PGBD2: variants seen among roughly 807,000 people sequenced by gnomAD.
The protein encoded by PGBD2 is piggyBac transposable element derived 2.
A neutral mutation model predicts 8.1 loss-of-function variants in PGBD2; 6 were observed. The ratio of observed to expected loss-of-function variants is 0.74; its 90% CI spans 0.40 to 1.46. PGBD2 has a LOEUF of 1.46. Among genes scored for constraint, PGBD2 ranks in the 40% most tolerant of loss-of-function variants. PGBD2 has a pLI of 0.02. For synonymous variants in PGBD2, 318 were observed against 272.2 expected, an observed-to-expected ratio of 1.17 and a Z score of -1.66; for missense variants, 802 against 739.0, an observed-to-expected ratio of 1.09 and a Z score of -0.99.
chr1:248,915,919 C>G (rs1662081789), intron 2 of PGBD2, among the ~76,000 whole-genome samples: 2 of 152,156 alleles, frequency 1.3e-5, no homozygotes, highest in South Asian at 4.1e-4. Context: ...GCCATTGAGT[C>G]TGAGGGGACA....
chr1:248,888,299 T>TGG, the PGBD2 span, among the ~76,000 whole-genome samples: 1 of 152,238 alleles, frequency 6.6e-6, no homozygotes, highest in Non-Finnish European at 1.5e-5. Context: ...ATGGGTTGAA[T>TGG]GGTAGTTCTA....
rs543395821 is a variant in PGBD2 at position 248,919,045 on chromosome 1, A to G, written c.*682A>G. On this transcript the variant is annotated 3_prime_UTR_variant, in exon 3 of 3. Transcript: ENST00000329291. ...ATGTATAAAAATCACATCAGGGTAA[A>G]TGGGGTATCCATCTTGTCAAACACT... The G allele has an allele frequency of 2.4e-5, 4 of 167,216 alleles. No individual in the cohort carries two copies. The East Asian group carries it at 7.7e-4, about 32-fold the overall frequency. The allele number at this position is 167,216 out of a possible 1,614,324, so 10.4% of individuals were successfully genotyped here.
upstream of PGBD2, among the ~76,000 whole-genome samples, chr1:248,904,251 T>G (rs1241986718): frequency 6.6e-6 from 1 of 152,020 alleles, no homozygotes; most frequent in Non-Finnish European, 1.5e-5. Context: ...TGTATTTTCC[T>G]CAAAGGATTC....
chr1:248,887,122 A>AT, the PGBD2 span, among the ~76,000 whole-genome samples: 22 of 152,338 alleles, frequency 1.4e-4, no homozygotes, highest in African/African-American at 4.8e-4. Context: ...ATTATAAAAA[A>AT]ATATAGCCTT....
chr1:248,877,099 A>G, the PGBD2 span, among the ~76,000 whole-genome samples: 1 of 152,216 alleles, frequency 6.6e-6, no homozygotes, highest in African/African-American at 2.4e-5. Flanking sequence ...ATTTGTATCC[A>G]GCGGTGTCCA....
chr1:248,922,509 AAG>A (rs1662307743), downstream of PGBD2, among the ~76,000 whole-genome samples: 2 of 152,116 alleles, frequency 1.3e-5, no homozygotes, highest in African/African-American at 2.4e-5. Flanking sequence ...TAGGAGTGGC[AAG>A]AGAGGGCATC....
At chr1:248,912,922 C>T (rs545444565) in intron 1 of PGBD2, 4 of 151,846 alleles carry the variant, frequency 2.6e-5, no homozygotes, top group Non-Finnish European at 5.9e-5. Context: ...CCTGCCTCAG[C>T]CTCCTGAGTA....
chr1:248,885,683 C>A, the PGBD2 span, among the ~76,000 whole-genome samples: 1 of 152,122 alleles, frequency 6.6e-6, no homozygotes, highest in Admixed American at 6.5e-5. Context: ...AGTTCTATAA[C>A]CCCCACACTC....
the PGBD2 span, among the ~76,000 whole-genome samples, chr1:248,890,289 C>CCA: frequency 1.3e-3 from 201 of 152,250 alleles, no homozygotes; most frequent in African/African-American, 4.4e-3. Context: ...TCAGAAGTCC[C>CCA]CACAGGTTTG....
At chr1:248,875,232 G>A in the PGBD2 span, among the ~76,000 whole-genome samples, 2 of 148,622 alleles carry the variant, frequency 1.3e-5, no homozygotes, top group African/African-American at 2.5e-5. Context: ...GGAGGCGGAG[G>A]TTGCAGTGAG....
chr1:248,930,062 T>G, the PGBD2 span, among the ~76,000 whole-genome samples: 1 of 152,228 alleles, frequency 6.6e-6, no homozygotes, highest in South Asian at 2.1e-4. Context: ...CCCTGTGTGC[T>G]GAGGAGGGAG....
At chr1:248,872,911 A>C in the PGBD2 span, among the ~76,000 whole-genome samples, 1 of 152,242 alleles carries the variant, frequency 6.6e-6, no homozygotes, top group African/African-American at 2.4e-5. Flanking sequence ...TTTTTGAAAA[A>C]TATTTTAGCA....
At position 248,916,755 on chromosome 1, in the gene PGBD2, G is replaced by C. The variant is rs759844831; in HGVS notation, c.171G>C (p.Glu57Asp). Residue 57 changes from glutamate (E) to aspartate (D), a missense_variant, in exon 3 of 3, where the codon GAG becomes GAC. Transcript: ENST00000329291. ...ATGCTGCGGGGGAATTCACTGATGA[G>C]GACTCAGGGGATGAAGACAGCCAGC... ...PDNAAGEFTD[E>D]DSGDEDSQRG... 1.5e-5 allele frequency: 24 copies of C among 1,614,046 alleles called. No individual in the cohort carries two copies. The Admixed American group carries it at 3.8e-4, about 26-fold the overall frequency.
the PGBD2 span, among the ~76,000 whole-genome samples, chr1:248,928,653 C>G: frequency 5.3e-5 from 8 of 152,124 alleles, no homozygotes; most frequent in Non-Finnish European, 1.0e-4. Flanking sequence ...AGTAAGAGGA[C>G]CTTGTGCATG....
At chr1:248,890,477 T>C in the PGBD2 span, among the ~76,000 whole-genome samples, 1 of 152,088 alleles carries the variant, frequency 6.6e-6, no homozygotes, top group South Asian at 2.1e-4. Flanking sequence ...AAGATGCAAG[T>C]TTAGGCTGCC....
chr1:248,905,989 C>T (rs753617305), upstream of PGBD2, among the ~76,000 whole-genome samples: 1 of 152,140 alleles, frequency 6.6e-6, no homozygotes, highest in African/African-American at 2.4e-5. Flanking sequence ...CCATGCTCTC[C>T]TGATTAGGAA....
downstream of PGBD2, among the ~76,000 whole-genome samples, chr1:248,921,698 C>T (rs1432697640): frequency 3.9e-5 from 6 of 152,106 alleles, no homozygotes; most frequent in African/African-American, 7.2e-5. Flanking sequence ...CGATGTGGAT[C>T]GCATTGAATC....
At chr1:248,929,601 C>G in the PGBD2 span, among the ~76,000 whole-genome samples, 2 of 152,176 alleles carry the variant, frequency 1.3e-5, no homozygotes, top group Non-Finnish European at 2.9e-5. Flanking sequence ...TTAGCAAGCT[C>G]CTAGCAGATG....
chr1:248,877,495 C>A, the PGBD2 span, among the ~76,000 whole-genome samples: 2 of 151,758 alleles, frequency 1.3e-5, no homozygotes, highest in South Asian at 2.1e-4. Context: ...AATAAAGACC[C>A]AGCCTCCCAA....
Sources: allele counts gnomAD v4.1 joint callset (sites outside exome capture counted in the v4.1 genomes callset), GRCh38; gene constraint gnomAD v4.1.1; transcripts MANE v1.5; gene names NCBI Gene and HGNC (gene_info 2026-07-23, HGNC 2026-07-21).